Variants in OC90 observed in about 807,000 individuals in gnomAD.
OC90 encodes the protein otoconin-90.
A neutral mutation model predicts 47.3 loss-of-function variants in OC90; 46 were observed. The ratio of observed to expected loss-of-function variants is 0.97; its 90% confidence interval spans 0.77 to 1.24. The LOEUF is 1.24. Ranked by LOEUF, OC90 falls within the 50% of genes most tolerant of loss-of-function variation. OC90 has a pLI of 0.00. For synonymous variants in OC90, 271 were observed against 219.5 expected (o/e 1.23, Z -2.07); for missense variants, 688 against 583.9 (o/e 1.18, Z -1.84).
intron 13 of OC90, among the ~76,000 whole-genome samples, chr8:132,028,752 AAGAG>A (rs1455976329): frequency 6.8e-6 from 1 of 148,086 alleles, no homozygotes; most frequent in African/African-American, 2.6e-5. Flanking sequence ...GGAAGAAAGG[AAGAG>A]AGAGATAGAG....
Position 132,031,924 on chromosome 8 carries a change from A to G in OC90, c.988T>C (p.Cys330Arg). 6.2e-7 allele frequency: 1 copy of G among 1,614,006 alleles called. No individual in the cohort carries two copies. Among genetic ancestry groups the G allele is most frequent in the Non-Finnish European group, 8.5e-7 (1 of 1,179,858 alleles). The change falls in exon 12 of 14, where the codon TGT becomes CGT. Residue 330 changes from cysteine to arginine, a missense_variant. Coordinates refer to ENST00000254627, the MANE Select transcript of OC90 (RefSeq NM_001080399.3). ...PEEFESYGCYCGQEGRGEPRD... is the reference protein window; with the variant it reads ...PEEFESYGCYRGQEGRGEPRD... ...GGCTCGCCTCTTCCTTCTTGTCCACAGTAACAGCCATAAGACTCAAATTCC... is the reference window on the plus strand; with the variant it reads ...GGCTCGCCTCTTCCTTCTTGTCCACGGTAACAGCCATAAGACTCAAATTCC...
At chr8:132,038,273 G>A (rs561919472) in intron 8 of OC90, among the ~76,000 whole-genome samples, 9 of 152,280 alleles carry the variant, frequency 5.9e-5, no homozygotes, top group Middle Eastern at 3.4e-3. Context: ...ATAAACATGC[G>A]AAAAGCAGCC....
At position 132,028,563 on chromosome 8, in the gene OC90, A is replaced by AAAGGAAGGAAGGAAGG. The variant is rs869234363; in HGVS notation, c.1138+494_1138+509dup. Among the ~76,000 whole-genome samples, 118 of 31,248 alleles carry AAAGGAAGGAAGGAAGG rather than the reference A, an allele frequency of 3.8e-3. No homozygotes were observed. The East Asian group carries it at 0.039, about 10-fold the overall frequency. The allele number at this position is 31,248 out of a possible 152,430, so 20.5% of individuals were successfully genotyped here. On this transcript the variant is annotated intron_variant, in intron 13 of 13. Transcript: ENST00000254627. The stretch of plus-strand genomic sequence containing the variant: ...GAAAGAAAGAAAGAAAGAAAGAAAG[A>AAAGGAAGGAAGGAAGG]AAGGAAGGAAGGAAGGAAGGAAGGA...
chr8:132,034,043 T>A (rs1822917214), intron 10 of OC90, among the ~76,000 whole-genome samples: 1 of 152,186 alleles, frequency 6.6e-6, no homozygotes, highest in African/African-American at 2.4e-5. Flanking sequence ...GTAATCTCAG[T>A]CTCCTAGGTT....
At chr8:132,028,680 A>AAAG (rs1822814875) in intron 13 of OC90, among the ~76,000 whole-genome samples, 5 of 72,542 alleles carry the variant, frequency 6.9e-5, no homozygotes, top group African/African-American at 2.7e-4. Context: ...GACAGAAAGA[A>AAAG]AGAAAGAGAA....
intron 8 of OC90, among the ~76,000 whole-genome samples, chr8:132,038,494 C>T (rs903030477): frequency 1.3e-5 from 2 of 152,228 alleles, no homozygotes; most frequent in Admixed American, 1.3e-4. Flanking sequence ...AGGGCTCTGA[C>T]TACAGAGTGA....
At chr8:132,044,404 G>A in intron 4 of OC90, 29 bp downstream of exon 4, 1 of 1,339,156 alleles carries the variant, frequency 7.5e-7, no homozygotes. Context: ...GACCTCTGGT[G>A]GATAAAAGCA....
chr8:132,047,650 C>CA (rs1182313334), intron 2 of OC90, among the ~76,000 whole-genome samples: 1 of 151,864 alleles, frequency 6.6e-6, no homozygotes, highest in Non-Finnish European at 1.5e-5. Flanking sequence ...AAATAAGCCA[C>CA]ATTGCTTCTA....
At chr8:132,033,003 C>T (rs765457105) in intron 11 of OC90, 36 bp downstream of exon 11, 28 of 1,595,168 alleles carry the variant, frequency 1.8e-5, no homozygotes, top group Non-Finnish European at 1.9e-5. Context: ...CCAAAAGATC[C>T]CAGCAGCGGA....
In OC90 at chr8:132,024,685, G is replaced by C. The variant is rs1297716861; in HGVS notation, c.1230C>G (p.Leu410=). 1.2e-6 allele frequency: 2 copies of C among 1,613,716 alleles called. No individual in the cohort carries two copies. The highest frequency in any genetic ancestry group is 8.5e-7 in the Non-Finnish European group (1 of 1,179,816). The change falls in exon 14 of 14, where the codon CTC becomes CTG. Residue 410 remains leucine (L), a synonymous_variant. Transcript: ENST00000254627. ...CMTSASFNQS[L]KSPSRLGCPG... is the part of the protein sequence containing the mutation. ...GGCACCCGAGTCTGCTTGGGGACTT[G>C]AGGCTTTGGTTAAAGGAGGCAGAGG...
intron 13 of OC90, among the ~76,000 whole-genome samples, chr8:132,027,040 T>C (rs1314357932): frequency 2.0e-5 from 3 of 152,150 alleles, no homozygotes; most frequent in Non-Finnish European, 4.4e-5. Flanking sequence ...ATGCCCAGTA[T>C]GGCCATCTGG....
At chr8:132,057,688 A>C (rs976066195) in intron 1 of OC90, among the ~76,000 whole-genome samples, 1 of 152,212 alleles carries the variant, frequency 6.6e-6, no homozygotes, top group African/African-American at 2.4e-5. Flanking sequence ...GTAAGTAATA[A>C]TCTTCATGAC....
intron 2 of OC90, among the ~76,000 whole-genome samples, chr8:132,048,737 T>G (rs931745469): frequency 2.0e-5 from 3 of 151,446 alleles, no homozygotes; most frequent in Non-Finnish European, 2.9e-5. Context: ...GTTTTACAGG[T>G]AAAATATCAG....
In OC90 at chr8:132,033,063, C is replaced by G. The variant is rs201238525; in HGVS notation, c.835G>C (p.Asp279His). 6.2e-7 allele frequency: 1 copy of G among 1,610,232 alleles called. No homozygotes were observed. Among genetic ancestry groups the G allele is most frequent in the Non-Finnish European group, 8.5e-7 (1 of 1,178,408 alleles). The change falls in exon 11 of 14, where the codon GAT becomes CAT. Residue 279 changes from aspartate to histidine, a missense_variant. Physicochemically the swap from Asp to His is moderately conservative, Grantham distance 81. Transcript: ENST00000254627. Reference protein sequence around the residue: ...LGLAVSSVENDPEETTEKACD... With the variant: ...LGLAVSSVENHPEETTEKACD... ...CCTTTTTCAGTGGTCTCCTCAGGAT[C>G]ATTTTCAACAGATGACACTGCCAGC...
chr8:132,034,528 T>C (rs1341692700), intron 10 of OC90, among the ~76,000 whole-genome samples: 1 of 152,160 alleles, frequency 6.6e-6, no homozygotes, highest in Non-Finnish European at 1.5e-5. Flanking sequence ...GGAGGAACTT[T>C]CTGAATTATT....
At chr8:132,031,704 G>C (rs114106172) in intron 12 of OC90, among the ~76,000 whole-genome samples, 177 bp downstream of exon 12, 1 of 152,184 alleles carries the variant, frequency 6.6e-6, no homozygotes, top group Non-Finnish European at 1.5e-5. Flanking sequence ...AGCCTCAGCT[G>C]CTCACCAGGA....
intron 6 of OC90, 122 bp downstream of exon 6, chr8:132,040,922 A>G (rs973538669): frequency 2.9e-6 from 2 of 682,422 alleles, no homozygotes; most frequent in Non-Finnish European, 5.3e-6. Context: ...AGTGCTGCCA[A>G]CGATGCTGCC....
intron 2 of OC90, among the ~76,000 whole-genome samples, chr8:132,046,265 G>A (rs1215748126): frequency 7.1e-6 from 1 of 141,638 alleles, no homozygotes; most frequent in Non-Finnish European, 1.5e-5. Context: ...CCCCCAAGGA[G>A]TTTATATAAT....
intron 2 of OC90, among the ~76,000 whole-genome samples, chr8:132,052,602 A>T (rs1048877158): frequency 6.6e-6 from 1 of 152,232 alleles, no homozygotes; most frequent in Admixed American, 6.5e-5. Flanking sequence ...ATAGTCACCC[A>T]GGATGTGAAA....
Sources: gnomAD v4.1 joint callset for allele counts (sites outside exome capture counted in the v4.1 genomes callset) on GRCh38, gnomAD v4.1.1 for gene constraint, MANE v1.5 for transcripts, NCBI Gene and HGNC (gene_info 2026-07-23, HGNC 2026-07-21) for gene names.